SOX6: variants seen among roughly 807,000 people sequenced by gnomAD.
SOX6 encodes the protein SRY-box transcription factor 6, also known as transcription factor SOX-6.
In SOX6, 11 loss-of-function variants were observed where a neutral mutation model predicts 97.8. That is an observed-to-expected ratio of 0.11 (90% confidence interval 0.07 to 0.19). The LOEUF is 0.19. Ranked by LOEUF, SOX6 falls within the 10% of genes least tolerant of loss-of-function variation. The probability of loss-of-function intolerance (pLI) is 1.00; values close to 1 mark genes in which losing one functional copy is unlikely to be tolerated. For missense variants in SOX6, 810 were observed against 1,039.5 expected (o/e 0.78, Z 3.04); for synonymous variants, 360 against 371.4 (o/e 0.97, Z 0.35).
At chr11:16,075,040 G>C (rs957877229) in intron 9 of SOX6, among the ~76,000 whole-genome samples, 1 of 151,948 alleles carries the variant, frequency 6.6e-6, no homozygotes, top group Admixed American at 6.6e-5. Context: ...CAGACACATA[G>C]ACCAATGGAA....
chr11:15,975,363 C>A (rs1024286589), intron 15 of SOX6, among the ~76,000 whole-genome samples: 18 of 152,042 alleles, frequency 1.2e-4, no homozygotes, highest in Admixed American at 2.6e-4. Flanking sequence ...AATGTTTTTG[C>A]CTTAATCACA....
intron 1 of SOX6, chr11:16,433,995 C>T (rs1466439927): frequency 6.6e-6 from 1 of 152,010 alleles, no homozygotes; most frequent in Non-Finnish European, 1.5e-5. Context: ...TAGTCTTAGG[C>T]CACATCACTT....
intron 6 of SOX6, among the ~76,000 whole-genome samples, chr11:16,178,037 G>A (rs1412897880): frequency 6.6e-6 from 1 of 151,912 alleles, no homozygotes; most frequent in African/African-American, 2.4e-5. Context: ...AAAAAGCTTT[G>A]AGATTCACCT....
At chr11:16,737,369 G>A (rs1848399641) in intron 1 of SOX6, among the ~76,000 whole-genome samples, 2 of 152,058 alleles carry the variant, frequency 1.3e-5, no homozygotes, top group Non-Finnish European at 2.9e-5. Context: ...ATCATGCCAG[G>A]CTAATTTTTG....
intron 6 of SOX6, among the ~76,000 whole-genome samples, chr11:16,119,516 T>C (rs1266254271): frequency 6.6e-6 from 1 of 152,210 alleles, no homozygotes; most frequent in Non-Finnish European, 1.5e-5. Flanking sequence ...AATTCACAAA[T>C]CATAAATCAT....
chr11:16,687,157 GT>G (rs1444880782), intron 3 of SOX6, among the ~76,000 whole-genome samples: 3 of 152,160 alleles, frequency 2.0e-5, no homozygotes, highest in Admixed American at 2.0e-4. Flanking sequence ...TTGAGACTGA[GT>G]AATTTAAAAA....
At chr11:16,132,018 T>C (rs1371806904) in intron 6 of SOX6, among the ~76,000 whole-genome samples, 1 of 151,792 alleles carries the variant, frequency 6.6e-6, no homozygotes, top group East Asian at 1.9e-4. Flanking sequence ...GGATGAATTA[T>C]TGTGTGTCAT....
intron 13 of SOX6, among the ~76,000 whole-genome samples, chr11:15,998,860 A>C (rs1403061108): frequency 6.6e-6 from 1 of 152,140 alleles, no homozygotes; most frequent in Non-Finnish European, 1.5e-5. Context: ...TAGTGACTTT[A>C]AAGTAAAATG....
At chr11:16,682,839 C>G (rs1305574040) in intron 3 of SOX6, among the ~76,000 whole-genome samples, 1 of 152,138 alleles carries the variant, frequency 6.6e-6, no homozygotes, top group African/African-American at 2.4e-5. Flanking sequence ...TTAGAAAACC[C>G]CATCATCTCC....
intron 7 of SOX6, among the ~76,000 whole-genome samples, chr11:16,109,754 G>A (rs868789551): frequency 5.3e-5 from 8 of 152,144 alleles, no homozygotes; most frequent in Non-Finnish European, 8.8e-5. Context: ...AATATTGAAA[G>A]AATTAGAGTT....
chr11:16,539,907 C>T (rs1435081662), intron 4 of SOX6, among the ~76,000 whole-genome samples: 3 of 152,164 alleles, frequency 2.0e-5, no homozygotes, highest in Non-Finnish European at 4.4e-5. Flanking sequence ...GGAGCTGGTA[C>T]CATTCCTTCT....
chr11:16,393,460 T>A (rs1312665001), intron 1 of SOX6, among the ~76,000 whole-genome samples: 1 of 152,054 alleles, frequency 6.6e-6, no homozygotes, highest in Non-Finnish European at 1.5e-5. Context: ...GACATACACA[T>A]TGCTCTTCAC....
intron 1 of SOX6, among the ~76,000 whole-genome samples, chr11:16,420,051 T>A (rs554583320): frequency 6.6e-6 from 1 of 152,224 alleles, no homozygotes; most frequent in African/African-American, 2.4e-5. Context: ...TATTCTATCT[T>A]GAATAATGTT....
At chr11:16,381,064 G>A (rs144975397) in intron 1 of SOX6, among the ~76,000 whole-genome samples, 2 of 151,892 alleles carry the variant, frequency 1.3e-5, no homozygotes, top group African/African-American at 4.8e-5. Flanking sequence ...CAAATGTAAA[G>A]AATTTCCATA....
At chr11:16,533,758 C>A (rs1295613367) in intron 4 of SOX6, among the ~76,000 whole-genome samples, 1 of 151,946 alleles carries the variant, frequency 6.6e-6, no homozygotes, top group East Asian at 1.9e-4. Context: ...CATATTATGT[C>A]ATTTGGTGAC....
intron 3 of SOX6, among the ~76,000 whole-genome samples, chr11:16,708,458 T>A (rs1266972210): frequency 1.3e-5 from 2 of 152,184 alleles, no homozygotes; most frequent in Non-Finnish European, 2.9e-5. Context: ...TTTAAAAAAA[T>A]TAAAACACAT....
chr11:16,370,680 A>C (rs1857475936), intron 1 of SOX6, among the ~76,000 whole-genome samples: 2 of 151,724 alleles, frequency 1.3e-5, no homozygotes, highest in Admixed American at 1.3e-4. Flanking sequence ...TTCCCTCTAA[A>C]CCCTGTACCT....
At chr11:16,724,863 A>G (rs192841175) in intron 2 of SOX6, among the ~76,000 whole-genome samples, 1 of 152,354 alleles carries the variant, frequency 6.6e-6, no homozygotes, top group African/African-American at 2.4e-5. Context: ...AAAAGATGAC[A>G]AATGTTGGCA....
chr11:16,420,882 C>T (rs1453599443), intron 1 of SOX6, among the ~76,000 whole-genome samples: 2 of 152,128 alleles, frequency 1.3e-5, no homozygotes, highest in Non-Finnish European at 1.5e-5. Flanking sequence ...AGACCAAGGA[C>T]ATTATGTCTT....
Sources: gnomAD v4.1 joint callset for allele counts (sites outside exome capture counted in the v4.1 genomes callset) on GRCh38, gnomAD v4.1.1 for gene constraint, MANE v1.5 for transcripts, NCBI Gene and HGNC (gene_info 2026-07-23, HGNC 2026-07-21) for gene names.